Variants in HCN1 observed in about 807,000 individuals in gnomAD.
The protein encoded by HCN1 is potassium/sodium hyperpolarization-activated cyclic nucleotide-gated channel 1.
A neutral mutation model predicts 78.9 loss-of-function variants in HCN1; 13 were observed. That is an observed-to-expected ratio of 0.16 (90% confidence interval 0.11 to 0.26). The LOEUF (loss-of-function observed/expected upper bound fraction) is 0.26, where lower values mean the gene tolerates loss of function less well. Ranked by LOEUF, HCN1 falls within the 10% of genes least tolerant of loss-of-function variation. The pLI is 1.00. For synonymous variants in HCN1, 552 were observed against 455.5 expected (o/e 1.21, Z -2.70); for missense variants, 810 against 1,154.3 (o/e 0.70, Z 4.32).
intron 1 of HCN1, among the ~76,000 whole-genome samples, chr5:45,672,792 G>A (rs940117814): frequency 1.3e-5 from 2 of 151,134 alleles, no homozygotes; most frequent in Non-Finnish European, 3.0e-5. Context: ...TGAGTCTTTC[G>A]CTGCTAAAAG....
intron 2 of HCN1, among the ~76,000 whole-genome samples, chr5:45,465,225 C>T (rs946200644): frequency 1.3e-5 from 2 of 152,024 alleles, no homozygotes; most frequent in Non-Finnish European, 2.9e-5. Flanking sequence ...TGGTGTACCA[C>T]TTTGCTTCTG....
intron 3 of HCN1, among the ~76,000 whole-genome samples, chr5:45,445,724 G>A (rs1740778779): frequency 6.6e-6 from 1 of 152,156 alleles, no homozygotes; most frequent in Admixed American, 6.5e-5. Context: ...AGCATTCACG[G>A]TTCATGAAAA....
chr5:45,417,476 G>T (rs930457861), intron 3 of HCN1, among the ~76,000 whole-genome samples: 2 of 151,740 alleles, frequency 1.3e-5, no homozygotes, highest in African/African-American at 4.8e-5. Flanking sequence ...AGCTATTACA[G>T]GGAAAGTGAT....
intron 2 of HCN1, among the ~76,000 whole-genome samples, chr5:45,490,239 T>A (rs1579926231): frequency 6.6e-6 from 1 of 152,264 alleles, no homozygotes; most frequent in East Asian, 1.9e-4. Context: ...CAGATACATT[T>A]GCAGGTTAGT....
intron 5 of HCN1, among the ~76,000 whole-genome samples, chr5:45,313,378 T>C (rs181805457): frequency 1.3e-5 from 2 of 151,894 alleles, no homozygotes; most frequent in East Asian, 3.9e-4. Context: ...GTCACCATCA[T>C]CAAAGACCAA....
chr5:45,394,874 A>G (rs138116204), intron 4 of HCN1, among the ~76,000 whole-genome samples: 2,168 of 152,292 alleles, frequency 0.014, 23 homozygotes, highest in Non-Finnish European at 0.022. Context: ...AAATGCCAGT[A>G]AATACCAAAG....
chr5:45,504,205 C>T (rs540991168), intron 2 of HCN1, among the ~76,000 whole-genome samples: 3 of 152,188 alleles, frequency 2.0e-5, no homozygotes, highest in Non-Finnish European at 4.4e-5. Flanking sequence ...CATCCATTAA[C>T]TCGTCATTTA....
chr5:45,485,609 T>C (rs956280601), intron 2 of HCN1, among the ~76,000 whole-genome samples: 1 of 152,224 alleles, frequency 6.6e-6, no homozygotes, highest in Non-Finnish European at 1.5e-5. Context: ...AAAAGTGATA[T>C]GTTTCTTTTT....
intron 1 of HCN1, among the ~76,000 whole-genome samples, chr5:45,663,554 C>T (rs1326222022): frequency 1.7e-5 from 2 of 114,290 alleles, no homozygotes; most frequent in Non-Finnish European, 3.6e-5. Context: ...TCGCAACCTA[C>T]TCATCTGACA....
At chr5:45,547,042 A>G (rs1743245721) in intron 2 of HCN1, among the ~76,000 whole-genome samples, 2 of 151,964 alleles carry the variant, frequency 1.3e-5, no homozygotes, top group African/African-American at 4.8e-5. Flanking sequence ...GATTCTCTAC[A>G]TTAGTACAAT....
At chr5:45,462,348 CA>C (rs1470328897) in intron 2 of HCN1, among the ~76,000 whole-genome samples, 6 of 152,040 alleles carry the variant, frequency 3.9e-5, no homozygotes, top group Admixed American at 1.3e-4. Flanking sequence ...GCAAAATTTA[CA>C]AATGATGGGT....
chr5:45,404,804 C>T (rs1389077398), intron 3 of HCN1, among the ~76,000 whole-genome samples: 1 of 150,918 alleles, frequency 6.6e-6, no homozygotes, highest in Non-Finnish European at 1.5e-5. Flanking sequence ...CTTAGCCACT[C>T]AGTAGCCTGC....
chr5:45,569,638 T>C (rs1743784073), intron 2 of HCN1, among the ~76,000 whole-genome samples: 1 of 152,078 alleles, frequency 6.6e-6, no homozygotes, highest in African/African-American at 2.4e-5. Flanking sequence ...TCTCAACTAA[T>C]ACAAGATTTA....
At chr5:45,427,002 A>G (rs1740364725) in intron 3 of HCN1, among the ~76,000 whole-genome samples, 1 of 151,904 alleles carries the variant, frequency 6.6e-6, no homozygotes, top group Non-Finnish European at 1.5e-5. Flanking sequence ...CATATTCATT[A>G]TATTATAATA....
intron 1 of HCN1, among the ~76,000 whole-genome samples, chr5:45,658,261 G>A (rs879414667): frequency 6.6e-6 from 1 of 152,134 alleles, no homozygotes; most frequent in African/African-American, 2.4e-5. Context: ...AGACTTAAAT[G>A]TTAGACCTAA....
intron 2 of HCN1, among the ~76,000 whole-genome samples, chr5:45,478,145 C>A (rs570006691): frequency 6.6e-6 from 1 of 151,696 alleles, no homozygotes; most frequent in African/African-American, 2.4e-5. Context: ...CAATGAGACA[C>A]TCTGTCAAAA....
chr5:45,352,010 A>G (rs1009006116), intron 5 of HCN1, among the ~76,000 whole-genome samples: 6 of 152,194 alleles, frequency 3.9e-5, no homozygotes, highest in African/African-American at 1.4e-4. Flanking sequence ...CATTTGACCC[A>G]GCCATCCCAT....
At chr5:45,582,068 G>A (rs1744088856) in intron 2 of HCN1, among the ~76,000 whole-genome samples, 1 of 152,220 alleles carries the variant, frequency 6.6e-6, no homozygotes, top group South Asian at 2.1e-4. Flanking sequence ...AAAGTCATTG[G>A]TAGCTTGCTG....
At chr5:45,383,576 T>G (rs1478844641) in intron 4 of HCN1, among the ~76,000 whole-genome samples, 1 of 151,980 alleles carries the variant, frequency 6.6e-6, no homozygotes, top group East Asian at 1.9e-4. Flanking sequence ...ACGCCTGTAG[T>G]CCTGCTACTC....
Sources: gnomAD v4.1 joint callset for allele counts (sites outside exome capture counted in the v4.1 genomes callset) on GRCh38, gnomAD v4.1.1 for gene constraint, MANE v1.5 for transcripts, NCBI Gene and HGNC (gene_info 2026-07-23, HGNC 2026-07-21) for gene names.